DLGAP1: variants seen among roughly 807,000 people sequenced by gnomAD.
DLGAP1 encodes disks large-associated protein 1.
A neutral mutation model predicts 90.8 loss-of-function variants in DLGAP1; 11 were observed. The ratio of observed to expected loss-of-function variants is 0.12; its 90% CI spans 0.08 to 0.20. DLGAP1 has a LOEUF of 0.20. DLGAP1 is among the 10% of genes least tolerant of loss of function. The probability of loss-of-function intolerance (pLI) is 1.00; values close to 1 mark genes in which losing one functional copy is unlikely to be tolerated. For missense variants in DLGAP1, 1,050 were observed against 1,333.8 expected, an observed-to-expected ratio of 0.79 and a Z score of 3.31; for synonymous variants, 558 against 540.7, an observed-to-expected ratio of 1.03 and a Z score of -0.44.
At chr18:4,099,467 T>C (rs2075743501) in intron 2 of DLGAP1, among the ~76,000 whole-genome samples, 1 of 152,224 alleles carries the variant, frequency 6.6e-6, no homozygotes, top group African/African-American at 2.4e-5. Flanking sequence ...GTAAGAGTTA[T>C]GTGTACACTG....
chr18:3,773,037 G>T (rs1321480551), intron 5 of DLGAP1, among the ~76,000 whole-genome samples: 9 of 152,088 alleles, frequency 5.9e-5, no homozygotes, highest in Admixed American at 4.6e-4. Context: ...TTTAAGATCA[G>T]GCTGAAAGAA....
chr18:3,515,065 GACA>G (rs1160098747), intron 10 of DLGAP1, among the ~76,000 whole-genome samples: 4 of 152,110 alleles, frequency 2.6e-5, no homozygotes, highest in Admixed American at 2.6e-4. Flanking sequence ...TTAAAAATAA[GACA>G]ACAATGAAGT....
At chr18:3,936,093 CAG>C (rs2072631241) in intron 3 of DLGAP1, among the ~76,000 whole-genome samples, 1 of 152,190 alleles carries the variant, frequency 6.6e-6, no homozygotes, top group Non-Finnish European at 1.5e-5. Flanking sequence ...TAACCTGTGA[CAG>C]GGGTACAGGC....
intron 7 of DLGAP1, chr18:3,708,590 G>A (rs2061508733): frequency 2.2e-6 from 1 of 453,544 alleles, no homozygotes; most frequent in Non-Finnish European, 4.4e-6. Flanking sequence ...GGAGGATGAG[G>A]GAATCTGTTT....
chr18:4,218,880 T>C (rs1231851383), intron 1 of DLGAP1, among the ~76,000 whole-genome samples: 2 of 151,692 alleles, frequency 1.3e-5, no homozygotes, highest in Non-Finnish European at 2.9e-5. Flanking sequence ...AACCCACTGA[T>C]TGACACTTAG....
chr18:4,403,321 G>T (rs966528128), intron 1 of DLGAP1, among the ~76,000 whole-genome samples: 16 of 152,022 alleles, frequency 1.1e-4, no homozygotes, highest in Admixed American at 7.2e-4. Context: ...GAATATATAG[G>T]TTGAATTTTT....
intron 4 of DLGAP1, among the ~76,000 whole-genome samples, chr18:3,825,599 C>G (rs537532564): frequency 1.2e-3 from 176 of 151,924 alleles, no homozygotes; most frequent in African/African-American, 4.1e-3. Flanking sequence ...TATTTTTGAC[C>G]CATGGTTGGT....
chr18:4,019,830 T>C (rs4063150), intron 2 of DLGAP1, among the ~76,000 whole-genome samples: 6,812 of 92,784 alleles, frequency 0.073, 397 homozygotes, highest in African/African-American at 0.24. Context: ...CACACACACA[T>C]ACACACGCAC....
intron 10 of DLGAP1, among the ~76,000 whole-genome samples, chr18:3,527,410 C>CTGTTG (rs1555668846): frequency 9.9e-6 from 1 of 100,684 alleles, no homozygotes; most frequent in South Asian, 3.5e-4. Context: ...ATTTTCCAAA[C>CTGTTG]TTTTTTTTTT....
At chr18:4,302,676 C>G (rs2080156156) in intron 1 of DLGAP1, among the ~76,000 whole-genome samples, 1 of 152,000 alleles carries the variant, frequency 6.6e-6, no homozygotes, top group Non-Finnish European at 1.5e-5. Flanking sequence ...GTTCTTTTGG[C>G]TTAGAATTGC....
At chr18:3,780,018 C>A (rs1482613111) in intron 5 of DLGAP1, among the ~76,000 whole-genome samples, 1 of 151,946 alleles carries the variant, frequency 6.6e-6, no homozygotes, top group East Asian at 1.9e-4. Context: ...AAACTCTTGA[C>A]CTCAAGTGAT....
chr18:3,814,358 TCTA>T, intron 4 of DLGAP1, 85 bp from the exon 5 acceptor site: 2 of 1,259,068 alleles, frequency 1.6e-6, no homozygotes, highest in Admixed American at 2.6e-5. Context: ...ATTTAACATT[TCTA>T]TTTTTTTTTT....
chr18:3,880,231 T>C, intron 3 of DLGAP1, 91 bp from the exon 4 acceptor site: 4 of 674,808 alleles, frequency 5.9e-6, no homozygotes, highest in Middle Eastern at 8.2e-4. Context: ...TTGCCCAGGC[T>C]AGAGTGCACA....
At chr18:3,871,034 T>C (rs968348539) in intron 4 of DLGAP1, among the ~76,000 whole-genome samples, 5 of 152,226 alleles carry the variant, frequency 3.3e-5, no homozygotes, top group African/African-American at 1.2e-4. Context: ...GCTTCTCCCT[T>C]TGCTTCCCTG....
At chr18:4,169,875 C>A (rs904713263) in intron 1 of DLGAP1, among the ~76,000 whole-genome samples, 1 of 152,168 alleles carries the variant, frequency 6.6e-6, no homozygotes, top group African/African-American at 2.4e-5. Context: ...GGAATCAGAG[C>A]CTGAGTCAAA....
At chr18:4,002,207 C>A (rs376464891) in intron 3 of DLGAP1, among the ~76,000 whole-genome samples, 1 of 152,142 alleles carries the variant, frequency 6.6e-6, no homozygotes, top group Non-Finnish European at 1.5e-5. Context: ...AAAATTTTAG[C>A]AACGAAACTT....
chr18:3,585,385 C>T (rs574384573), intron 7 of DLGAP1, among the ~76,000 whole-genome samples: 6 of 152,296 alleles, frequency 3.9e-5, no homozygotes, highest in African/African-American at 7.2e-5. Flanking sequence ...CAGCTGAAGA[C>T]CCAGAGTGGG....
chr18:4,094,211 T>C (rs1483059335), intron 2 of DLGAP1, among the ~76,000 whole-genome samples: 1 of 152,194 alleles, frequency 6.6e-6, no homozygotes, highest in East Asian at 1.9e-4. Flanking sequence ...TTCTTAATTT[T>C]TCTTTGTTCC....
intron 7 of DLGAP1, among the ~76,000 whole-genome samples, chr18:3,718,457 A>G (rs2061839042): frequency 6.6e-6 from 1 of 151,970 alleles, no homozygotes; most frequent in South Asian, 2.1e-4. Flanking sequence ...CGTGGAAGAA[A>G]TATTTTTTGT....
Sources: allele counts gnomAD v4.1 joint callset (sites outside exome capture counted in the v4.1 genomes callset), GRCh38; gene constraint gnomAD v4.1.1; transcripts MANE v1.5; gene names NCBI Gene and HGNC (gene_info 2026-07-23, HGNC 2026-07-21).